ATP8B2: variants seen among roughly 807,000 people sequenced by gnomAD.
The protein encoded by ATP8B2 is phospholipid-transporting ATPase ID.
A neutral mutation model predicts 133.4 loss-of-function variants in ATP8B2; 70 were observed. The observed-to-expected ratio is 0.52, with a 90% confidence interval of 0.43 to 0.64. The LOEUF (loss-of-function observed/expected upper bound fraction) is 0.64. Among genes scored for constraint, ATP8B2 ranks in the 30% least tolerant of loss-of-function variants. ATP8B2 has a pLI of 0.00. For missense variants in ATP8B2, 1,101 were observed against 1,535.7 expected, an observed-to-expected ratio of 0.72 and a Z score of 4.73; for synonymous variants, 517 against 589.5, an observed-to-expected ratio of 0.88 and a Z score of 1.78.
rs778882073 is a variant in ATP8B2 at position 154,344,460 on chromosome 1, G to C, written c.2101G>C (p.Val701Leu). The C allele has an allele frequency of 6.2e-7, 1 of 1,614,210 alleles. No individual in the cohort carries two copies. The highest frequency in any genetic ancestry group is 8.5e-7 in the Non-Finnish European group (1 of 1,180,030). The change falls in exon 20 of 28, where the codon GTC becomes CTC. Residue 701 changes from valine to leucine, a missense_variant. Coordinates refer to ENST00000368489, the MANE Select transcript of ATP8B2 (RefSeq NM_001370597.1). This position sits in a 1 kb window ranked among gnomAD's most constrained non-coding sequence, Gnocchi z 4.1. ...LTDDMTEVFI[V>L]TGHTVLEVRE... ...GGATGACATGACTGAGGTTTTCATA[G>C]TCACTGGCCATACTGTCCTGGAGGT...
Position 154,334,160 on chromosome 1 carries a change from C to G in ATP8B2, c.643C>G (p.Leu215Val). ...NNKLDKFSGTLYWKENKFPLS... is the reference protein window; with the variant it reads ...NNKLDKFSGTVYWKENKFPLS... ...CAAACTGGACAAATTCAGCGGAACC[C>G]TCTACTGGAAGGAAAATAAGTTCCC... is the stretch of plus-strand genomic sequence containing the variant. Residue 215 changes from leucine to valine, a missense_variant, in exon 10 of 28, where the codon CTC (leucine) becomes GTC (valine). Coordinates refer to ENST00000368489, the MANE Select transcript of ATP8B2 (RefSeq NM_001370597.1). This position sits in a 1 kb window ranked among gnomAD's most constrained non-coding sequence, Gnocchi z 4.6. The G allele has an allele frequency of 6.2e-7, 1 of 1,614,182 alleles. No individual in the cohort carries two copies. Among genetic ancestry groups the G allele is most frequent in the Non-Finnish European group, 8.5e-7 (1 of 1,180,048 alleles).
Position 154,331,110 on chromosome 1 carries a change from C to T in ATP8B2, c.267C>T (p.Leu89=). Residue 89 remains leucine (L), a synonymous_variant, in exon 5 of 28, where the codon CTC becomes CTT. Transcript: ENST00000368489. The surrounding 1 kb of genome is among the most constrained non-coding windows in gnomAD (Gnocchi z 4.8). ...CCATTGTGCCTTTGGTTCTTGTCCT[C>T]ACCATCACAGCTGTTAAAGATGCCA... The part of the protein sequence containing the change: ...FTTIVPLVLV[L]TITAVKDATD... 6.2e-7 allele frequency: 1 copy of T among 1,614,098 alleles called. No homozygotes were observed. Among genetic ancestry groups the T allele is most frequent in the Non-Finnish European group, 8.5e-7 (1 of 1,179,988 alleles).
At chr1:154,342,411 G>A in intron 13 of ATP8B2, 69 bp from the exon 14 acceptor site, 1 of 1,480,974 alleles carries the variant, frequency 6.8e-7, no homozygotes, top group Middle Eastern at 1.9e-4. Flanking sequence ...CTGCATTGGA[G>A]ATGTTTTTCC....
chr1:154,326,024 G>A (rs1200547600), intron 1 of ATP8B2, among the ~76,000 whole-genome samples: 2 of 152,164 alleles, frequency 1.3e-5, no homozygotes, highest in African/African-American at 4.8e-5. Flanking sequence ...GGCCAGGGGA[G>A]ACCCGCCCAG....
Position 154,331,378 on chromosome 1 carries a change from C to T in ATP8B2, c.304-66C>T, listed in dbSNP as rs1685985689. On this transcript the variant is annotated intron_variant, in intron 5 of 27. Coordinates refer to ENST00000368489, the MANE Select transcript of ATP8B2 (RefSeq NM_001370597.1). The surrounding 1 kb of genome is among the most constrained non-coding windows in gnomAD (Gnocchi z 4.8). ...GGCGTTAACCAGCATGCTCTGAGTT[C>T]TACTGATCAACGAATTCCTTCGAGG... The T allele has an allele frequency of 1.3e-6, 2 of 1,539,428 alleles. No individual in the cohort carries two copies. The highest frequency in any genetic ancestry group is 2.2e-5 in the South Asian group (2 of 89,178).
At chr1:154,347,875 AGGTTGTGGTG>A (rs1686637946) in intron 26 of ATP8B2, among the ~76,000 whole-genome samples, 1 of 143,190 alleles carries the variant, frequency 7.0e-6, no homozygotes, top group Non-Finnish European at 1.5e-5. Flanking sequence ...TGGGAGGTGG[AGGTTGTGGTG>A]AGCCGAGATC....
At position 154,345,949 on chromosome 1, in the gene ATP8B2, C is replaced by CGTG; in HGVS notation, c.2778+70_2778+72dup. 4 of 1,411,542 alleles carry CGTG rather than the reference C, an allele frequency of 2.8e-6. No individual in the cohort carries two copies. Among genetic ancestry groups the CGTG allele is most frequent in the Non-Finnish European group, 4.0e-6 (4 of 999,646 alleles). 87.4% of individuals were successfully genotyped at this position (1,411,542 alleles called of 1,614,324 possible). ...TCACTGCTTGAAGGAGTCACATAGA[C>CGTG]GTGGTGTGTGACACTTGTGCCCATT... On this transcript the variant is annotated intron_variant, in intron 24 of 27. Transcript: ENST00000368489. This position sits in a 1 kb window ranked among gnomAD's most constrained non-coding sequence, Gnocchi z 5.6.
rs1686681444 is a variant in ATP8B2 at position 154,348,706 on chromosome 1, G to T, written c.3295-134G>T. On this transcript the variant is annotated intron_variant, in intron 27 of 27. Coordinates refer to ENST00000368489, the MANE Select transcript of ATP8B2 (RefSeq NM_001370597.1). ...TGCAGCTGGCCACAGAGGCCTCTGC[G>T]TCAGCCTGGTCCCAGGTGCTGTGGG... The T allele has an allele frequency of 2.2e-6, 3 of 1,375,534 alleles. No individual in the cohort carries two copies. The African/African-American group carries it at 5.2e-5, about 24-fold the overall frequency. 85.2% of individuals were successfully genotyped at this position (1,375,534 alleles called of 1,614,324 possible).
chr1:154,347,229 A>G (rs1190362889), intron 26 of ATP8B2, among the ~76,000 whole-genome samples: 1 of 152,168 alleles, frequency 6.6e-6, no homozygotes, highest in Non-Finnish European at 1.5e-5. Context: ...GGAGCCTGCC[A>G]TGTGGCTCTC....
rs779211951 is a variant in ATP8B2, at chr1:154,328,200, G to A, written c.31+28G>A. 2.7e-5 allele frequency: 44 copies of A among 1,601,280 alleles called. No individual in the cohort carries two copies. The South Asian group carries it at 4.5e-4, about 16-fold the overall frequency. ...AAGACAGGCAAGGAGGGGAGATCCC[G>A]GGAACCATCAAGAGTGGGTGTTGTT... On this transcript the variant is annotated intron_variant, in intron 2 of 27. Coordinates refer to ENST00000368489, the MANE Select transcript of ATP8B2 (RefSeq NM_001370597.1). The surrounding 1 kb of genome is among the most constrained non-coding windows in gnomAD (Gnocchi z 4.6).
chr1:154,332,510 A>AT, intron 8 of ATP8B2, 108 bp from the exon 9 acceptor site: 2 of 837,414 alleles, frequency 2.4e-6, no homozygotes, highest in South Asian at 1.6e-5. Context: ...GTGAGCTATG[A>AT]TTGTGCGACT....
chr1:154,331,060 A>ATCTCT lies in ATP8B2; in HGVS notation c.220_224dup (p.Ser77ProfsTer36), dbSNP rs1276163876. Reference sequence around the variant, plus strand: ...TTCTTTTTTTCAGTTGATCCCCCAGATCTCTTCCCTGTCCTGGTTCACCAC... The same window carrying ATCTCT: ...TTCTTTTTTTCAGTTGATCCCCCAGATCTCTTCTCTTCCCTGTCCTGGTTCACCAC... On this transcript the variant is annotated frameshift_variant, in exon 5 of 28. Coordinates refer to ENST00000368489, the MANE Select transcript of ATP8B2 (RefSeq NM_001370597.1). LOFTEE classifies it high-confidence loss of function. The surrounding 1 kb of genome is among the most constrained non-coding windows in gnomAD (Gnocchi z 4.8). The ATCTCT allele has an allele frequency of 1.2e-6, 2 of 1,613,738 alleles. No homozygotes were observed.
rs906224808 is a variant in ATP8B2, at chr1:154,345,340, G to A, written c.2489G>A (p.Gly830Glu). 2 of 1,614,060 alleles carry A rather than the reference G, an allele frequency of 1.2e-6. No individual in the cohort carries two copies. Among genetic ancestry groups the A allele is most frequent in the Non-Finnish European group, 1.7e-6 (2 of 1,180,026 alleles). ...SMIKTAHIGV[G>E]ISGQEGIQAV... The stretch of plus-strand genomic sequence containing the variant: ...TCTGCAGCGGCTCACATTGGTGTGG[G>A]GATCAGTGGGCAGGAAGGGATCCAG... The change falls in exon 23 of 28, where the codon GGG (glycine) becomes GAG (glutamate). Residue 830 changes from glycine (G) to glutamate (E), a missense_variant. Physicochemically the swap from Gly to Glu is moderately conservative, Grantham distance 98. Coordinates refer to ENST00000368489, the MANE Select transcript of ATP8B2 (RefSeq NM_001370597.1). The surrounding 1 kb of genome is among the most constrained non-coding windows in gnomAD (Gnocchi z 5.6).
Position 154,346,829 on chromosome 1 carries a change from A to C in ATP8B2, c.3163+71A>C. Reference sequence around the variant, plus strand: ...TCTGGGACTAACAGGACCATCAGCTAATCTGCACATTCAACATTTCTTATG... The same window carrying C: ...TCTGGGACTAACAGGACCATCAGCTCATCTGCACATTCAACATTTCTTATG... On this transcript the variant is annotated intron_variant, in intron 26 of 27. Coordinates refer to ENST00000368489, the MANE Select transcript of ATP8B2 (RefSeq NM_001370597.1). This position sits in a 1 kb window ranked among gnomAD's most constrained non-coding sequence, Gnocchi z 4.5. 1 of 1,498,768 alleles carries C rather than the reference A, an allele frequency of 6.7e-7. No homozygotes were observed. The highest frequency in any genetic ancestry group is 2.0e-5 in the Admixed American group (1 of 51,002). 92.8% of individuals were successfully genotyped at this position (1,498,768 alleles called of 1,614,324 possible).
At chr1:154,327,319 T>G (rs145375801) in intron 1 of ATP8B2, among the ~76,000 whole-genome samples, 150 of 151,710 alleles carry the variant, frequency 9.9e-4, no homozygotes, top group African/African-American at 3.5e-3. Flanking sequence ...GGCCAGGCCT[T>G]GAACCTTTTA....
At chr1:154,325,919 G>T (rs535599864) in intron 1 of ATP8B2, among the ~76,000 whole-genome samples, 2 of 152,156 alleles carry the variant, frequency 1.3e-5, no homozygotes, top group African/African-American at 4.8e-5. Flanking sequence ...GGGCAGAGCG[G>T]GGGTCTGCGT....
rs1686439696 is a variant in ATP8B2 at position 154,343,043 on chromosome 1, G to A, written c.1454-70G>A. 6.9e-6 allele frequency: 11 copies of A among 1,594,448 alleles called. No individual in the cohort carries two copies. On this transcript the variant is annotated intron_variant, in intron 15 of 27. Transcript: ENST00000368489. This position sits in a 1 kb window ranked among gnomAD's most constrained non-coding sequence, Gnocchi z 5.8. ...TCTGCTCTGCAATGCGGCTGGGCTG[G>A]GGCTTCCTGGGCGGGGCACGTGGCT...
Position 154,346,102 on chromosome 1 carries a change from A to G in ATP8B2, c.2779-129A>G. On this transcript the variant is annotated intron_variant, in intron 24 of 27. Coordinates refer to ENST00000368489, the MANE Select transcript of ATP8B2 (RefSeq NM_001370597.1). This position sits in a 1 kb window ranked among gnomAD's most constrained non-coding sequence, Gnocchi z 4.5. Reference sequence around the variant, plus strand: ...AGTTAGTCTGGGGGTAGCTGGCTTGAGGTTGGTTCTAGCTGCCAAAGACTT... The same window carrying G: ...AGTTAGTCTGGGGGTAGCTGGCTTGGGGTTGGTTCTAGCTGCCAAAGACTT... 2 of 1,357,258 alleles carry G rather than the reference A, an allele frequency of 1.5e-6. No homozygotes were observed. The highest frequency in any genetic ancestry group is 1.5e-5 in the African/African-American group (1 of 68,962). 84.1% of individuals were successfully genotyped at this position (1,357,258 alleles called of 1,614,324 possible). A position where few individuals can be genotyped will look rare whatever the true frequency, so the allele number is the denominator to read the frequency against.
Position 154,342,819 on chromosome 1 carries a change from C to G in ATP8B2, c.1311C>G (p.Ser437=), listed in dbSNP as rs992225720. ...AGAGGCCTGAACCTGTTGACTTCTCCTTCAATCCTCTGGCTGACAAGAAGT... is the reference window on the plus strand; with the variant it reads ...AGAGGCCTGAACCTGTTGACTTCTCGTTCAATCCTCTGGCTGACAAGAAGT... ...LGERPEPVDF[S]FNPLADKKFL... Residue 437 remains serine (S), a synonymous_variant, in exon 15 of 28, where the codon TCC becomes TCG. Coordinates refer to ENST00000368489, the MANE Select transcript of ATP8B2 (RefSeq NM_001370597.1). 6.2e-7 allele frequency: 1 copy of G among 1,614,080 alleles called. No homozygotes were observed. The highest frequency in any genetic ancestry group is 8.5e-7 in the Non-Finnish European group (1 of 1,180,032).
Sources: gnomAD v4.1 joint callset for allele counts (sites outside exome capture counted in the v4.1 genomes callset) on GRCh38, gnomAD v4.1.1 for gene constraint, Gnocchi (gnomAD v3.1) non-coding constraint, MANE v1.5 for transcripts, NCBI Gene and HGNC (gene_info 2026-07-23, HGNC 2026-07-21) for gene names.